Variants in CSMD1 observed in about 807,000 individuals in gnomAD.
CSMD1 encodes CUB and Sushi multiple domains 1, also known as CUB and sushi domain-containing protein 1.
A neutral mutation model predicts 417.5 loss-of-function variants in CSMD1; 213 were observed. That is an observed-to-expected ratio of 0.51 (90% CI 0.46 to 0.57). The LOEUF (loss-of-function observed/expected upper bound fraction) is 0.57. Ranked by LOEUF, CSMD1 falls within the 20% of genes least tolerant of loss-of-function variation. The pLI is 0.00. For synonymous variants in CSMD1, 2,862 were observed against 1,736.8 expected (o/e 1.65, Z -16.11); for missense variants, 6,923 against 4,529.7 (o/e 1.53, Z -15.17).
At chr8:4,577,538 G>T (rs993223464) in intron 2 of CSMD1, among the ~76,000 whole-genome samples, 4 of 152,148 alleles carry the variant, frequency 2.6e-5, no homozygotes, top group Non-Finnish European at 5.9e-5. Flanking sequence ...AGGCTCCAGT[G>T]TGGCCCACGG....
intron 52 of CSMD1, among the ~76,000 whole-genome samples, chr8:3,007,586 C>T (rs368032278): frequency 6.6e-6 from 1 of 151,246 alleles, no homozygotes; most frequent in African/African-American, 2.5e-5. Flanking sequence ...GAATACTATG[C>T]AGCCATAAAA....
At chr8:3,656,151 G>T (rs1202702222) in intron 7 of CSMD1, among the ~76,000 whole-genome samples, 1 of 152,168 alleles carries the variant, frequency 6.6e-6, no homozygotes, top group Non-Finnish European at 1.5e-5. Context: ...GCCTCTTTAG[G>T]AAGGGCTGTA....
At chr8:3,616,018 GAATAAAC>G (rs1314247538) in intron 8 of CSMD1, among the ~76,000 whole-genome samples, 46 of 152,200 alleles carry the variant, frequency 3.0e-4, no homozygotes, top group African/African-American at 1.1e-3. Flanking sequence ...TGCATTTTCT[GAATAAAC>G]TTTACTGACT....
chr8:3,973,998 G>T (rs778606871), intron 5 of CSMD1, among the ~76,000 whole-genome samples: 25 of 152,154 alleles, frequency 1.6e-4, no homozygotes, highest in Non-Finnish European at 3.2e-4. Flanking sequence ...TGCAAACAAT[G>T]CAATTACACT....
intron 7 of CSMD1, among the ~76,000 whole-genome samples, chr8:3,660,567 C>G (rs1470382665): frequency 3.5e-5 from 5 of 142,956 alleles, no homozygotes; most frequent in Admixed American, 2.1e-4. Context: ...GCAGTCCAGG[C>G]AAGAGTGCAG....
At chr8:4,381,441 TG>T (rs1463195268) in intron 3 of CSMD1, among the ~76,000 whole-genome samples, 2 of 151,776 alleles carry the variant, frequency 1.3e-5, no homozygotes, top group African/African-American at 2.4e-5. Flanking sequence ...GAAAAGGGGG[TG>T]GGGGCTGGTG....
intron 1 of CSMD1, among the ~76,000 whole-genome samples, chr8:4,677,021 T>C (rs905324883): frequency 1.4e-5 from 2 of 144,702 alleles, no homozygotes; most frequent in African/African-American, 5.0e-5. Flanking sequence ...GAATTTTACA[T>C]AGAATTTTAT....
intron 1 of CSMD1, among the ~76,000 whole-genome samples, chr8:4,740,035 G>C (rs993945898): frequency 6.6e-6 from 1 of 152,030 alleles, no homozygotes. Flanking sequence ...CCTGGCAGAG[G>C]AATGCCACAG....
intron 5 of CSMD1, among the ~76,000 whole-genome samples, chr8:3,937,189 T>A (rs1053965045): frequency 1.3e-5 from 2 of 152,190 alleles, no homozygotes; most frequent in Non-Finnish European, 2.9e-5. Context: ...GAAGATGCTG[T>A]GAACATTGTT....
chr8:4,774,360 G>C (rs77045365), intron 1 of CSMD1, among the ~76,000 whole-genome samples: 1,544 of 152,264 alleles, frequency 0.01, 11 homozygotes, highest in East Asian at 0.048. Flanking sequence ...CCATGAGTAA[G>C]ATCAGAGAAC....
chr8:3,955,450 G>A (rs79037714), intron 5 of CSMD1, among the ~76,000 whole-genome samples: 3,829 of 152,238 alleles, frequency 0.025, 118 homozygotes, highest in East Asian at 0.073. Context: ...ATGAAAAAAT[G>A]TAGAAATAAA....
intron 1 of CSMD1, among the ~76,000 whole-genome samples, chr8:4,794,256 C>T (rs904207758): frequency 6.6e-6 from 1 of 152,018 alleles, no homozygotes; most frequent in Non-Finnish European, 1.5e-5. Context: ...TTTGAAAAAT[C>T]CCACATTGTA....
chr8:4,531,592 T>G (rs1325087398), intron 2 of CSMD1, among the ~76,000 whole-genome samples: 1 of 152,144 alleles, frequency 6.6e-6, no homozygotes, highest in Non-Finnish European at 1.5e-5. Context: ...TGTATAAGTG[T>G]AAGATGCGAG....
intron 3 of CSMD1, among the ~76,000 whole-genome samples, chr8:4,071,487 T>TC (rs966708972): frequency 1.3e-5 from 2 of 152,216 alleles, no homozygotes; most frequent in Non-Finnish European, 2.9e-5. Flanking sequence ...TAACTTTTTT[T>TC]CACCAAGAGC....
chr8:4,161,790 A>G (rs368950434), intron 3 of CSMD1, among the ~76,000 whole-genome samples: 86 of 152,310 alleles, frequency 5.6e-4, no homozygotes, highest in African/African-American at 1.9e-3. Flanking sequence ...TGTGCAAAAG[A>G]AACAAAATTT....
intron 3 of CSMD1, among the ~76,000 whole-genome samples, chr8:4,167,502 T>C (rs1031797539): frequency 6.6e-6 from 1 of 152,140 alleles, no homozygotes; most frequent in African/African-American, 2.4e-5. Flanking sequence ...CCTATAACAT[T>C]TTCTAAAATG....
intron 10 of CSMD1, among the ~76,000 whole-genome samples, chr8:3,545,962 A>G (rs1798641592): frequency 1.3e-5 from 2 of 152,170 alleles, no homozygotes; most frequent in Non-Finnish European, 2.9e-5. Flanking sequence ...GGAAAGGTTT[A>G]GCTCCTAAGC....
intron 3 of CSMD1, among the ~76,000 whole-genome samples, chr8:4,260,547 C>T (rs529689843): frequency 3.9e-5 from 6 of 152,202 alleles, no homozygotes; most frequent in African/African-American, 1.4e-4. Context: ...GCCAGAATAC[C>T]TGGATTTTAT....
At chr8:4,043,652 G>A (rs1010311927) in intron 3 of CSMD1, among the ~76,000 whole-genome samples, 1 of 152,128 alleles carries the variant, frequency 6.6e-6, no homozygotes, top group Non-Finnish European at 1.5e-5. Context: ...TTCTAGGAGT[G>A]GTGGTTCCTG....
Sources: allele counts gnomAD v4.1 joint callset (sites outside exome capture counted in the v4.1 genomes callset), GRCh38; gene constraint gnomAD v4.1.1; transcripts MANE v1.5; gene names NCBI Gene and HGNC (gene_info 2026-07-23, HGNC 2026-07-21).